Variants in FTO observed in about 807,000 individuals in gnomAD.
FTO encodes the protein alpha-ketoglutarate-dependent dioxygenase FTO.
A neutral mutation model predicts 63.9 loss-of-function variants in FTO; 47 were observed. That is an observed-to-expected ratio of 0.74 (90% CI 0.58 to 0.94). FTO has a LOEUF of 0.94. FTO is among the 40% of genes least tolerant of loss of function. The pLI, the probability that FTO is intolerant of heterozygous loss-of-function variation, is 0.00. For synonymous variants in FTO, 207 were observed against 224.4 expected (o/e 0.92, Z 0.69); for missense variants, 562 against 618.1 (o/e 0.91, Z 0.96).
chr16:53,846,312 G>T (rs1365937337), intron 4 of FTO, among the ~76,000 whole-genome samples: 1 of 152,094 alleles, frequency 6.6e-6, no homozygotes, highest in Non-Finnish European at 1.5e-5. Flanking sequence ...AGTGTCATTT[G>T]TAGGTAAACA....
chr16:53,909,536 T>G (rs1211270627), intron 7 of FTO, among the ~76,000 whole-genome samples: 1 of 112,430 alleles, frequency 8.9e-6, no homozygotes, highest in African/African-American at 3.3e-5. Flanking sequence ...CCCCGCCTTT[T>G]TTTTTTTTTT....
intron 7 of FTO, among the ~76,000 whole-genome samples, chr16:53,897,866 C>T (rs2081311307): frequency 1.3e-5 from 2 of 152,222 alleles, no homozygotes; most frequent in South Asian, 4.1e-4. Flanking sequence ...GTCCAGTTGC[C>T]CAGACTAAAA....
chr16:54,063,673 A>G (rs1248721747), intron 8 of FTO: 5 of 151,368 alleles, frequency 3.3e-5, no homozygotes, highest in Non-Finnish European at 7.4e-5. Flanking sequence ...GCCCAGAGGC[A>G]CAGCCATTTA....
chr16:53,757,215 C>T (rs1347201241), intron 1 of FTO, among the ~76,000 whole-genome samples: 1 of 152,076 alleles, frequency 6.6e-6, no homozygotes, highest in Non-Finnish European at 1.5e-5. Flanking sequence ...ATCTCACATA[C>T]TTTTTTGTGG....
At chr16:53,986,527 ATGC>A (rs2083672360) in intron 8 of FTO, among the ~76,000 whole-genome samples, 1 of 152,200 alleles carries the variant, frequency 6.6e-6, no homozygotes, top group Non-Finnish European at 1.5e-5. Context: ...CTGGCATGTA[ATGC>A]TGTCTTCTGC....
intron 8 of FTO, among the ~76,000 whole-genome samples, chr16:53,968,086 T>G (rs1314764043): frequency 1.3e-5 from 2 of 152,330 alleles, no homozygotes; most frequent in South Asian, 4.1e-4. Context: ...TATACTTGAT[T>G]CGGGTCTATC....
chr16:53,820,097 C>G (rs1011598056), intron 2 of FTO, among the ~76,000 whole-genome samples: 3 of 150,694 alleles, frequency 2.0e-5, no homozygotes, highest in Non-Finnish European at 4.4e-5. Flanking sequence ...TAACCTCTAC[C>G]TCCCGGGTTC....
At chr16:53,921,636 C>T (rs1022128201) in intron 7 of FTO, among the ~76,000 whole-genome samples, 2 of 151,964 alleles carry the variant, frequency 1.3e-5, no homozygotes, top group African/African-American at 4.8e-5. Flanking sequence ...AGGCAAGGCA[C>T]CGTGGAAGTA....
In FTO at chr16:53,950,573, C is replaced by T. The variant is rs78324070; in HGVS notation, c.1364+16464C>T. Among the ~76,000 whole-genome samples, 706 of 152,248 alleles carry T rather than the reference C, an allele frequency of 4.6e-3. 3 individuals carry two copies. The highest frequency in any genetic ancestry group is 0.016 in the African/African-American group (644 of 41,534). Reference sequence around the variant, plus strand: ...AATACATTTAAAAAATTTTAATCCACGTGGAAGTATTTCTTTCCTGTTCTT... The same window carrying T: ...AATACATTTAAAAAATTTTAATCCATGTGGAAGTATTTCTTTCCTGTTCTT... On this transcript the variant is annotated intron_variant, in intron 8 of 8. Coordinates refer to ENST00000471389, the MANE Select transcript of FTO (RefSeq NM_001080432.3).
chr16:54,014,174 C>T (rs566268822), intron 8 of FTO, among the ~76,000 whole-genome samples: 2 of 152,256 alleles, frequency 1.3e-5, no homozygotes, highest in African/African-American at 4.8e-5. Flanking sequence ...AGAGAAAAGA[C>T]TTACAATGAC....
chr16:53,844,856 T>C (rs1046461780), intron 4 of FTO, among the ~76,000 whole-genome samples: 1 of 152,192 alleles, frequency 6.6e-6, no homozygotes, highest in Non-Finnish European at 1.5e-5. Context: ...ATCATCCAAG[T>C]CAAATTATAA....
chr16:53,953,580 CAG>C (rs1555497693), intron 8 of FTO, among the ~76,000 whole-genome samples: 6 of 152,166 alleles, frequency 3.9e-5, no homozygotes, highest in African/African-American at 1.4e-4. Flanking sequence ...AGGTGTGTAA[CAG>C]GGGTAGAAAA....
chr16:53,899,838 C>A (rs941628904), intron 7 of FTO, among the ~76,000 whole-genome samples: 1 of 152,130 alleles, frequency 6.6e-6, no homozygotes, highest in Admixed American at 6.6e-5. Context: ...AAGTCTTTTG[C>A]TAGAACAAAG....
At chr16:53,888,799 T>C in intron 6 of FTO, 33 bp from the exon 7 acceptor site, 1 of 1,613,378 alleles carries the variant, frequency 6.2e-7, no homozygotes, top group Non-Finnish European at 8.5e-7. Context: ...CACAAGGGTA[T>C]TAAAACCACC....
In FTO at chr16:53,969,511, G is replaced by A. The variant is rs368918203; in HGVS notation, c.1364+35402G>A. 1.6e-4 allele frequency among the ~76,000 whole-genome samples: 25 copies of A among 152,212 alleles called. No individual in the cohort carries two copies. In the South Asian group the frequency reaches 3.3e-3, roughly 20 times the overall value. ...ACCAACATTATGGCCTTTTGCATGC[G>A]TGTAAGTAAATGAACATAATATATA... On this transcript the variant is annotated intron_variant, in intron 8 of 8. Transcript: ENST00000471389.
intron 7 of FTO, among the ~76,000 whole-genome samples, chr16:53,904,968 C>T (rs1279634734): frequency 6.6e-5 from 10 of 151,882 alleles, no homozygotes; most frequent in Non-Finnish European, 1.2e-4. Flanking sequence ...GAAGACTTTG[C>T]GGGGAACTGT....
intron 1 of FTO, among the ~76,000 whole-genome samples, chr16:53,791,902 G>A (rs527472753): frequency 8.6e-5 from 13 of 151,910 alleles, no homozygotes; most frequent in African/African-American, 3.1e-4. Flanking sequence ...TGAAAACCCC[G>A]TCTCTACTAA....
intron 4 of FTO, among the ~76,000 whole-genome samples, chr16:53,865,496 C>T (rs1173002251): frequency 6.6e-6 from 1 of 152,174 alleles, no homozygotes; most frequent in African/African-American, 2.4e-5. Context: ...TTGCAATGTC[C>T]TAAGGTTTTG....
chr16:53,723,242 T>C (rs912995743), intron 1 of FTO, among the ~76,000 whole-genome samples: 3 of 152,236 alleles, frequency 2.0e-5, no homozygotes, highest in Non-Finnish European at 4.4e-5. Flanking sequence ...TTGCCATCAA[T>C]AGCATGTCAG....
Sources: gnomAD v4.1 joint callset for allele counts (sites outside exome capture counted in the v4.1 genomes callset) on GRCh38, gnomAD v4.1.1 for gene constraint, MANE v1.5 for transcripts, NCBI Gene and HGNC (gene_info 2026-07-23, HGNC 2026-07-21) for gene names.